The following HMCN1 variants were observed in gnomAD, a reference collection of about 807,000 sequenced individuals.
HMCN1 encodes the protein hemicentin-1.
In HMCN1, 321 loss-of-function variants were observed where a neutral mutation model predicts 625.9. The ratio of observed to expected loss-of-function variants is 0.51; its 90% CI spans 0.47 to 0.56. HMCN1 has a LOEUF of 0.56. Ranked by LOEUF, HMCN1 falls within the 20% of genes least tolerant of loss-of-function variation. The probability of loss-of-function intolerance (pLI) is 0.00; values close to 1 mark genes in which losing one functional copy is unlikely to be tolerated. For synonymous variants in HMCN1, 2,425 were observed against 2,417.6 expected (o/e 1.00, Z -0.09); for missense variants, 6,588 against 6,887.3 (o/e 0.96, Z 1.54).
intron 1 of HMCN1, among the ~76,000 whole-genome samples, chr1:185,845,084 G>C (rs1031952768): frequency 6.6e-6 from 1 of 152,214 alleles, no homozygotes. Context: ...AGCCCTGAAG[G>C]TAGTTATGGT....
At position 186,114,887 on chromosome 1, in the gene HMCN1, T is replaced by C. The variant is rs778929173; in HGVS notation, c.11345T>C (p.Leu3782Ser). 3 of 1,614,056 alleles carry C rather than the reference T, an allele frequency of 1.9e-6. No individual in the cohort carries two copies. The African/African-American group carries it at 4.0e-5, about 22-fold the overall frequency. Reference sequence around the variant, plus strand: ...CATGTCACTGACACTGGACGGTATTTGTGTATGGCCACCAATGCTGCTGGA... The same window carrying C: ...CATGTCACTGACACTGGACGGTATTCGTGTATGGCCACCAATGCTGCTGGA... The part of the protein sequence containing the change: ...SAHVTDTGRY[L>S]CMATNAAGTD... Residue 3782 changes from leucine to serine, a missense_variant, in exon 74 of 107, where the codon TTG becomes TCG. Transcript: ENST00000271588.
At chr1:185,896,887 A>T (rs912108148) in intron 4 of HMCN1, among the ~76,000 whole-genome samples, 1 of 152,220 alleles carries the variant, frequency 6.6e-6, no homozygotes, top group Non-Finnish European at 1.5e-5. Context: ...ATCCATAATC[A>T]GTTATAACAT....
At chr1:185,826,958 C>T (rs1420222027) in intron 1 of HMCN1, among the ~76,000 whole-genome samples, 2 of 151,772 alleles carry the variant, frequency 1.3e-5, no homozygotes, top group South Asian at 2.1e-4. Flanking sequence ...GGGCGGATCA[C>T]GAGGTCAGAA....
At chr1:185,942,956 A>T (rs1183723266) in intron 11 of HMCN1, among the ~76,000 whole-genome samples, 1 of 152,082 alleles carries the variant, frequency 6.6e-6, no homozygotes, top group Non-Finnish European at 1.5e-5. Flanking sequence ...AAGAGGGGGA[A>T]AAAAAGCTGT....
At chr1:186,184,127 CAG>C (rs1482396815) in intron 105 of HMCN1, among the ~76,000 whole-genome samples, 5 of 152,100 alleles carry the variant, frequency 3.3e-5, no homozygotes, top group African/African-American at 9.7e-5. Context: ...AGTTGTGCTA[CAG>C]AGAGTGGAAA....
chr1:185,984,750 G>A (rs943757080), intron 19 of HMCN1, among the ~76,000 whole-genome samples: 4 of 152,092 alleles, frequency 2.6e-5, no homozygotes, highest in African/African-American at 4.8e-5. Context: ...CACCTCATGT[G>A]CTCCAAACAA....
chr1:186,095,589 G>C, intron 68 of HMCN1, 68 bp downstream of exon 68: 1 of 1,499,496 alleles, frequency 6.7e-7, no homozygotes, highest in Admixed American at 2.1e-5. Context: ...TAGTAAATAA[G>C]TATAATTCTG....
chr1:186,135,207 A>G (rs1437151956), intron 86 of HMCN1, among the ~76,000 whole-genome samples: 3 of 152,178 alleles, frequency 2.0e-5, no homozygotes, highest in Non-Finnish European at 4.4e-5. Flanking sequence ...TCCTTTTACA[A>G]TCTTTCCAAG....
chr1:185,770,126 C>T (rs776085731), intron 1 of HMCN1, among the ~76,000 whole-genome samples: 19 of 152,124 alleles, frequency 1.2e-4, no homozygotes, highest in Admixed American at 5.2e-4. Flanking sequence ...TTTTATAATG[C>T]GGAGAATGAA....
At position 185,923,664 on chromosome 1, in the gene HMCN1, AT is replaced by A; in HGVS notation, c.1285+15del. ...CTAGTATTGTCCCAGGTGAGACATC[AT>A]TTTATTCAACATTGAAATATTGACA... On this transcript the variant is annotated intron_variant, in intron 8 of 106. Transcript: ENST00000271588. 6.3e-7 allele frequency: 1 copy of A among 1,589,762 alleles called. No homozygotes were observed. Among genetic ancestry groups the A allele is most frequent in the Non-Finnish European group, 8.6e-7 (1 of 1,167,442 alleles).
In HMCN1 at chr1:185,765,499, A is replaced by G. The variant is rs113184521; in HGVS notation, c.268+30452A>G. Among the ~76,000 whole-genome samples, 949 of 152,292 alleles carry G rather than the reference A, an allele frequency of 6.2e-3. 5 individuals are homozygous for G. Among genetic ancestry groups the G allele is most frequent in the Non-Finnish European group, 9.1e-3 (620 of 68,006 alleles). On this transcript the variant is annotated intron_variant, in intron 1 of 106. Transcript: ENST00000271588. ...CTGGGTACTATTTGAAGCATTTCAC[A>G]TCTTTTATTTCATTTAATATTCTCA...
intron 80 of HMCN1, among the ~76,000 whole-genome samples, chr1:186,120,889 C>CAGAT (rs1661367160): frequency 6.6e-6 from 1 of 152,030 alleles, no homozygotes; most frequent in African/African-American, 2.4e-5. Flanking sequence ...CTTAAACTAC[C>CAGAT]AGATAGATGA....
In HMCN1 at chr1:185,815,024, G is replaced by A. The variant is rs151201391; in HGVS notation, c.269-31002G>A. On this transcript the variant is annotated intron_variant, in intron 1 of 106. Coordinates refer to ENST00000271588, the MANE Select transcript of HMCN1 (RefSeq NM_031935.3). Reference sequence around the variant, plus strand: ...GTAGAATAATTTAGGGGTTATAGAGGGTAAGAAAAATCAGTGTTCTTTGGT... The same window carrying A: ...GTAGAATAATTTAGGGGTTATAGAGAGTAAGAAAAATCAGTGTTCTTTGGT... 9.5e-4 allele frequency among the ~76,000 whole-genome samples: 142 copies of A among 149,952 alleles called. 12 individuals are homozygous for A. Among genetic ancestry groups the A allele is most frequent in the African/African-American group, 3.5e-3 (137 of 39,486 alleles).
chr1:185,915,191 T>C (rs58291464), intron 6 of HMCN1, among the ~76,000 whole-genome samples: 21,474 of 152,018 alleles, frequency 0.14, 4,370 homozygotes, highest in African/African-American at 0.45. Context: ...AGGTAAAGCA[T>C]GTTAAAAAGA....
intron 1 of HMCN1, among the ~76,000 whole-genome samples, chr1:185,836,391 T>A (rs1342128421): frequency 1.3e-5 from 2 of 152,216 alleles, no homozygotes; most frequent in Non-Finnish European, 2.9e-5. Context: ...CATGTGTCTT[T>A]GCAAATAATT....
At chr1:185,742,629 C>G (rs1023702469) in intron 1 of HMCN1, among the ~76,000 whole-genome samples, 1 of 152,170 alleles carries the variant, frequency 6.6e-6, no homozygotes, top group African/African-American at 2.4e-5. Context: ...AGCTGTTAGT[C>G]TCTCTGTGCC....
intron 1 of HMCN1, among the ~76,000 whole-genome samples, chr1:185,828,817 A>G (rs1013787508): frequency 6.6e-6 from 1 of 152,128 alleles, no homozygotes; most frequent in African/African-American, 2.4e-5. Flanking sequence ...TAGAAAACAA[A>G]GGTAATATAA....
chr1:186,039,184 A>G (rs1180173325), intron 38 of HMCN1, among the ~76,000 whole-genome samples, 179 bp downstream of exon 38: 3 of 152,198 alleles, frequency 2.0e-5, no homozygotes, highest in South Asian at 2.1e-4. Flanking sequence ...AAAATGCTCA[A>G]TTTCCACATG....
intron 22 of HMCN1, among the ~76,000 whole-genome samples, chr1:185,991,535 T>G (rs1235252822): frequency 2.0e-5 from 3 of 152,192 alleles, no homozygotes; most frequent in African/African-American, 7.2e-5. Context: ...CTGTTTTCAA[T>G]TTGCCATTGT....
Sources: allele counts gnomAD v4.1 joint callset (sites outside exome capture counted in the v4.1 genomes callset), GRCh38; gene constraint gnomAD v4.1.1; transcripts MANE v1.5; gene names NCBI Gene and HGNC (gene_info 2026-07-23, HGNC 2026-07-21).